CAPRIN1: variants seen among roughly 807,000 people sequenced by gnomAD.
CAPRIN1 encodes the protein caprin-1.
Under a neutral mutation model 100.9 loss-of-function variants are expected in CAPRIN1, and 29 were observed. That is an observed-to-expected ratio of 0.29 (90% CI 0.21 to 0.39). The LOEUF (loss-of-function observed/expected upper bound fraction) is 0.39, where lower values mean the gene tolerates loss of function less well. Ranked by LOEUF, CAPRIN1 falls within the 10% of genes least tolerant of loss-of-function variation. The probability of loss-of-function intolerance (pLI) is 1.00; values close to 1 mark genes in which losing one functional copy is unlikely to be tolerated. For missense variants in CAPRIN1, 795 were observed against 876.7 expected (o/e 0.91, Z 1.18); for synonymous variants, 338 against 307.5 (o/e 1.10, Z -1.04).
chr11:34,072,426 A>G (rs1306704930), intron 4 of CAPRIN1, among the ~76,000 whole-genome samples: 1 of 152,218 alleles, frequency 6.6e-6, no homozygotes, highest in East Asian at 1.9e-4. Flanking sequence ...TTAAAATGTT[A>G]GCTCTGCAAA....
At chr11:34,099,190 T>C in intron 18 of CAPRIN1, 113 bp from the exon 19 acceptor site, 10 of 1,534,086 alleles carry the variant, frequency 6.5e-6, no homozygotes, top group Non-Finnish European at 8.8e-6. Context: ...CTCTTAAGCC[T>C]AATAATGTGG....
intron 4 of CAPRIN1, 39 bp downstream of exon 4, chr11:34,072,026 T>G: frequency 7.1e-7 from 1 of 1,401,572 alleles, no homozygotes; most frequent in African/African-American, 1.4e-5. Context: ...GAAATACTTT[T>G]GTTGTTTCTT....
At position 34,099,145 on chromosome 11, in the gene CAPRIN1, C is replaced by T. The variant is rs1851416328; in HGVS notation, c.2066-158C>T. 2.1e-6 allele frequency: 3 copies of T among 1,448,382 alleles called. No homozygotes were observed. The Admixed American group carries it at 8.0e-5, about 39-fold the overall frequency. The allele number at this position is 1,448,382 out of a possible 1,614,324, so 89.7% of individuals were successfully genotyped here. A position where few individuals can be genotyped will look rare whatever the true frequency, so the allele number is the denominator to read the frequency against. ...GAGCAAATTTGCGCATGACAACTTC[C>T]AGGACAGGGGAAACTTGAACACTGA... is the stretch of plus-strand genomic sequence containing the variant. On this transcript the variant is annotated intron_variant, in intron 18 of 18. Coordinates refer to ENST00000341394, the MANE Select transcript of CAPRIN1 (RefSeq NM_005898.5).
intron 4 of CAPRIN1, among the ~76,000 whole-genome samples, chr11:34,074,851 A>G (rs1011687081): frequency 2.6e-5 from 4 of 152,216 alleles, no homozygotes; most frequent in Non-Finnish European, 4.4e-5. Context: ...CTCCTGGGCA[A>G]CAGAGTGAGA....
intron 4 of CAPRIN1, among the ~76,000 whole-genome samples, chr11:34,072,346 A>T (rs1344925975): frequency 6.6e-6 from 1 of 151,926 alleles, no homozygotes; most frequent in African/African-American, 2.4e-5. Context: ...AAATTTAAAA[A>T]TTTTTTTAAA....
intron 18 of CAPRIN1, chr11:34,098,546 A>G: frequency 1.0e-6 from 1 of 985,398 alleles, no homozygotes; most frequent in Non-Finnish European, 1.2e-6. Flanking sequence ...ACATGTATAA[A>G]ATGTGTGTTA....
chr11:34,066,542 C>T (rs1565085729), intron 2 of CAPRIN1, among the ~76,000 whole-genome samples: 2 of 151,782 alleles, frequency 1.3e-5, no homozygotes, highest in Admixed American at 1.3e-4. Context: ...CCGTATTGGC[C>T]AGGCTGGTCT....
chr11:34,064,264 C>G (rs1850641640), intron 2 of CAPRIN1, among the ~76,000 whole-genome samples: 1 of 152,124 alleles, frequency 6.6e-6, no homozygotes, highest in African/African-American at 2.4e-5. Context: ...CCATTCTGTT[C>G]TTAGTATAAT....
At chr11:34,082,367 T>C (rs973653396) in intron 7 of CAPRIN1, among the ~76,000 whole-genome samples, 5 of 152,078 alleles carry the variant, frequency 3.3e-5, no homozygotes, top group Middle Eastern at 3.2e-3. Flanking sequence ...TTTTGCATTT[T>C]TAGTAGAGTT....
rs1473044088 is a variant in CAPRIN1, at chr11:34,083,026, A to G, written c.951A>G (p.Thr317=). 1.2e-6 allele frequency: 2 copies of G among 1,613,300 alleles called. No individual in the cohort carries two copies. Among genetic ancestry groups the G allele is most frequent in the Admixed American group, 1.7e-5 (1 of 60,028 alleles). The change falls in exon 9 of 19, where the codon ACA becomes ACG. Residue 317 remains threonine (T), a synonymous_variant. Coordinates refer to ENST00000341394, the MANE Select transcript of CAPRIN1 (RefSeq NM_005898.5). The part of the protein sequence containing the change: ...SGEKEQVDEW[T]VETVEVVNSL... ...AAAAGGAGCAGGTAGATGAGTGGAC[A>G]GTTGAAACGGTTGAGGTAAGAGTTC...
At chr11:34,071,109 C>A (rs1344731803) in intron 2 of CAPRIN1, among the ~76,000 whole-genome samples, 1 of 152,186 alleles carries the variant, frequency 6.6e-6, no homozygotes, top group East Asian at 1.9e-4. Flanking sequence ...TAAGCAGGAT[C>A]CTAACCAAAT....
chr11:34,053,837 G>A (rs1225518484), intron 2 of CAPRIN1, among the ~76,000 whole-genome samples: 2 of 152,276 alleles, frequency 1.3e-5, no homozygotes, highest in South Asian at 4.1e-4. Flanking sequence ...CAAATTAGTC[G>A]TTTGTAAAAA....
chr11:34,097,624 G>C, intron 17 of CAPRIN1, 74 bp from the exon 18 acceptor site: 3 of 1,539,016 alleles, frequency 1.9e-6, no homozygotes, highest in Non-Finnish European at 2.7e-6. Context: ...TGTATTGAGT[G>C]TTAGACTGAA....
chr11:34,086,451 A>G (rs760175050), intron 11 of CAPRIN1, 38 bp downstream of exon 11: 3 of 1,189,552 alleles, frequency 2.5e-6, no homozygotes, highest in Non-Finnish European at 3.7e-6. Flanking sequence ...AGAGAAATAT[A>G]AGGCCAGTAC....
In CAPRIN1 at chr11:34,101,961, A is replaced by G. The variant is rs2134143942; in HGVS notation, c.*2594A>G. 6.6e-6 allele frequency among the ~76,000 whole-genome samples: 1 copy of G among 152,324 alleles called. No homozygotes were observed. The highest frequency in any genetic ancestry group is 6.5e-5 in the Admixed American group (1 of 15,306). Reference sequence around the variant, plus strand: ...TATGAAACTTCTTTTTTAAAACTTAAAAAGGTAGAATGTTATTGATTACCT... The same window carrying G: ...TATGAAACTTCTTTTTTAAAACTTAGAAAGGTAGAATGTTATTGATTACCT... On this transcript the variant is annotated 3_prime_UTR_variant, in exon 19 of 19. Coordinates refer to ENST00000341394, the MANE Select transcript of CAPRIN1 (RefSeq NM_005898.5).
At chr11:34,099,199 G>A in intron 18 of CAPRIN1, 104 bp from the exon 19 acceptor site, 2 of 1,539,698 alleles carry the variant, frequency 1.3e-6, no homozygotes, top group African/African-American at 2.7e-5. Context: ...CTAATAATGT[G>A]GTGACAGGCT....
intron 2 of CAPRIN1, among the ~76,000 whole-genome samples, chr11:34,061,699 A>G (rs1461679587): frequency 1.3e-5 from 2 of 151,684 alleles, no homozygotes; most frequent in African/African-American, 2.4e-5. Context: ...GCCGGGCACA[A>G]TGGCTCATGC....
intron 9 of CAPRIN1, among the ~76,000 whole-genome samples, chr11:34,085,088 A>AT (rs977007385): frequency 1.2e-4 from 19 of 152,224 alleles, no homozygotes; most frequent in African/African-American, 4.6e-4. Context: ...GGAATAGCTG[A>AT]TTTTGCCTAG....
Position 34,099,938 on chromosome 11 carries a change from C to T in CAPRIN1, c.*571C>T, listed in dbSNP as rs955603368. 1 of 152,994 alleles carries T rather than the reference C, an allele frequency of 6.5e-6. No homozygotes were observed. Among genetic ancestry groups the T allele is most frequent in the African/African-American group, 2.4e-5 (1 of 41,452 alleles). 9.5% of individuals were successfully genotyped at this position (152,994 alleles called of 1,614,324 possible). ...ATAAGGCTGGCTACCAGCTTTGACA[C>T]AGCACTGTTCATCTGGCCAAACAAC... On this transcript the variant is annotated 3_prime_UTR_variant, in exon 19 of 19. Transcript: ENST00000341394.
Sources: gnomAD v4.1 joint callset for allele counts (sites outside exome capture counted in the v4.1 genomes callset) on GRCh38, gnomAD v4.1.1 for gene constraint, MANE v1.5 for transcripts, NCBI Gene and HGNC (gene_info 2026-07-23, HGNC 2026-07-21) for gene names.